Variants in CELF4 observed in about 807,000 individuals in gnomAD.
CELF4 encodes the protein CUG-BP- and ETR-3-like factor 4.
CELF4 carries 18 observed loss-of-function variants against 59.9 expected under a neutral mutation model. The ratio of observed to expected loss-of-function variants is 0.30; its 90% CI spans 0.21 to 0.45. The LOEUF (loss-of-function observed/expected upper bound fraction) is 0.45. Among genes scored for constraint, CELF4 ranks in the 20% least tolerant of loss-of-function variants. The pLI is 1.00. For synonymous variants in CELF4, 261 were observed against 267.1 expected, an observed-to-expected ratio of 0.98 and a Z score of 0.22; for missense variants, 456 against 689.0, an observed-to-expected ratio of 0.66 and a Z score of 3.79.
chr18:37,481,454 C>G (rs189629832), intron 2 of CELF4, among the ~76,000 whole-genome samples: 1 of 152,310 alleles, frequency 6.6e-6, no homozygotes, highest in Non-Finnish European at 1.5e-5. Flanking sequence ...ACCCTGTATT[C>G]CCAACCTTGG....
chr18:37,328,591 A>G (rs1426034174), intron 2 of CELF4, among the ~76,000 whole-genome samples: 2 of 152,330 alleles, frequency 1.3e-5, no homozygotes, highest in African/African-American at 4.8e-5. Context: ...TTCACCAGGA[A>G]GGCAGCTCTT....
chr18:37,249,610 A>G (rs2064180345), intron 12 of CELF4, among the ~76,000 whole-genome samples: 1 of 151,224 alleles, frequency 6.6e-6, no homozygotes, highest in Non-Finnish European at 1.5e-5. Context: ...AGCCCCCAAG[A>G]CTCCACGGGC....
At chr18:37,527,892 C>T (rs1042479049) in intron 1 of CELF4, among the ~76,000 whole-genome samples, 3 of 152,192 alleles carry the variant, frequency 2.0e-5, no homozygotes, top group Non-Finnish European at 1.5e-5. Flanking sequence ...CAAGTTGCTC[C>T]TTACATTTTC....
intron 1 of CELF4, among the ~76,000 whole-genome samples, chr18:37,489,266 G>A (rs922790593): frequency 6.6e-6 from 1 of 152,222 alleles, no homozygotes; most frequent in Non-Finnish European, 1.5e-5. Context: ...AGTTATTAAC[G>A]CTGACTCCGG....
At chr18:37,428,843 C>T (rs2099630489) in intron 2 of CELF4, among the ~76,000 whole-genome samples, 1 of 152,186 alleles carries the variant, frequency 6.6e-6, no homozygotes, top group African/African-American at 2.4e-5. Flanking sequence ...TGGCTGAGAA[C>T]AGGCCTTCTT....
At chr18:37,442,658 A>G (rs1314874301) in intron 2 of CELF4, among the ~76,000 whole-genome samples, 1 of 152,206 alleles carries the variant, frequency 6.6e-6, no homozygotes, top group Non-Finnish European at 1.5e-5. Flanking sequence ...CACATTTCCA[A>G]TACAAGGAAA....
chr18:37,313,588 T>A (rs1355263346), intron 3 of CELF4, among the ~76,000 whole-genome samples: 3 of 152,106 alleles, frequency 2.0e-5, no homozygotes, highest in Non-Finnish European at 4.4e-5. Flanking sequence ...TCCCCAGCCA[T>A]GCCCCAGAGC....
intron 2 of CELF4, among the ~76,000 whole-genome samples, chr18:37,482,530 T>A (rs2099870780): frequency 6.6e-6 from 1 of 152,176 alleles, no homozygotes; most frequent in African/African-American, 2.4e-5. Flanking sequence ...CCATCAGCCA[T>A]CAGAGGGCCC....
chr18:37,306,421 TG>T (rs2096408106), intron 3 of CELF4: 1 of 152,418 alleles, frequency 6.6e-6, no homozygotes, highest in African/African-American at 2.4e-5. Context: ...GGTGACTTGC[TG>T]TGGATGTGTT....
chr18:37,307,901 A>AAAGCTCTG (rs942084652), intron 3 of CELF4, among the ~76,000 whole-genome samples: 8 of 152,200 alleles, frequency 5.3e-5, no homozygotes, highest in Non-Finnish European at 8.8e-5. Context: ...TACCGTGACG[A>AAAGCTCTG]AAGCTCTGAC....
chr18:37,394,936 C>G (rs2099222652), intron 2 of CELF4, among the ~76,000 whole-genome samples: 1 of 149,610 alleles, frequency 6.7e-6, no homozygotes, highest in Admixed American at 6.6e-5. Context: ...CCTGCCATGC[C>G]CAAGACCCGC....
In CELF4 at chr18:37,253,323, C is replaced by G. The variant is rs2066741801; in HGVS notation, c.*44+444G>C. 6.6e-6 allele frequency among the ~76,000 whole-genome samples: 1 copy of G among 152,198 alleles called. No individual in the cohort carries two copies. Among genetic ancestry groups the G allele is most frequent in the Admixed American group, 6.5e-5 (1 of 15,286 alleles). On this transcript the variant is annotated intron_variant, in intron 12 of 12. Coordinates refer to ENST00000420428, the MANE Select transcript of CELF4 (RefSeq NM_020180.4). The surrounding 1 kb of genome is among the most constrained non-coding windows in gnomAD (Gnocchi z 4.5). ...GGGTCAAGTGTCTAAAGGCTACCAG[C>G]CCTCCTGGAAGAACTGGGGAGGAGA...
intron 2 of CELF4, among the ~76,000 whole-genome samples, chr18:37,351,712 G>A (rs1436500930): frequency 1.3e-5 from 2 of 150,664 alleles, no homozygotes; most frequent in East Asian, 2.0e-4. Context: ...CCAGGTTCAA[G>A]CAATTCTCCT....
rs1331202556 is a variant in CELF4 at position 37,254,053 on chromosome 18, G to A, written c.1334-115C>T. 4.4e-4 allele frequency: 335 copies of A among 767,120 alleles called. 1 individual carries two copies. The highest frequency in any genetic ancestry group is 2.3e-4 in the Non-Finnish European group (133 of 578,110). The allele number at this position is 767,120 out of a possible 1,614,324, so 47.5% of individuals were successfully genotyped here. Reference sequence around the variant, plus strand: ...GGCGGGCCTGAGGCTCTCCCCCTCGGGCCCCGCCCCCGGCCCCGCCCCGGT... The same window carrying A: ...GGCGGGCCTGAGGCTCTCCCCCTCGAGCCCCGCCCCCGGCCCCGCCCCGGT... On this transcript the variant is annotated intron_variant, in intron 11 of 12. Coordinates refer to ENST00000420428, the MANE Select transcript of CELF4 (RefSeq NM_020180.4). The surrounding 1 kb of genome is among the most constrained non-coding windows in gnomAD (Gnocchi z 5.1).
intron 2 of CELF4, among the ~76,000 whole-genome samples, chr18:37,388,431 C>A (rs950527951): frequency 2.3e-4 from 35 of 151,680 alleles, no homozygotes; most frequent in Non-Finnish European, 7.4e-5. Flanking sequence ...TCCTTTCCCC[C>A]CTCCTTCTCT....
intron 2 of CELF4, among the ~76,000 whole-genome samples, chr18:37,456,334 C>T (rs1372685926): frequency 6.6e-6 from 1 of 152,086 alleles, no homozygotes; most frequent in Non-Finnish European, 1.5e-5. Flanking sequence ...GTAGTGCTGG[C>T]TTGTTGAGAC....
intron 2 of CELF4, among the ~76,000 whole-genome samples, chr18:37,419,201 C>T (rs1473210243): frequency 2.6e-5 from 4 of 152,184 alleles, no homozygotes; most frequent in Admixed American, 6.5e-5. Context: ...TATTCAATAT[C>T]GGTTTTACTC....
intron 2 of CELF4, among the ~76,000 whole-genome samples, chr18:37,371,972 C>A (rs73950714): frequency 0.015 from 2,299 of 152,280 alleles, 61 homozygotes; most frequent in African/African-American, 0.053. Flanking sequence ...CTTGTAAGAA[C>A]AATAACATAG....
At chr18:37,499,870 A>G (rs770701289) in intron 1 of CELF4, among the ~76,000 whole-genome samples, 10 of 152,232 alleles carry the variant, frequency 6.6e-5, no homozygotes, top group Non-Finnish European at 1.3e-4. Context: ...GCACAGACTC[A>G]TCAATGAATG....
Sources: gnomAD v4.1 joint callset for allele counts (sites outside exome capture counted in the v4.1 genomes callset) on GRCh38, gnomAD v4.1.1 for gene constraint, Gnocchi (gnomAD v3.1) non-coding constraint, MANE v1.5 for transcripts, NCBI Gene and HGNC (gene_info 2026-07-23, HGNC 2026-07-21) for gene names.